TCP11X1: variants seen among roughly 807,000 people sequenced by gnomAD.
TCP11X1 encodes T-complex protein 11-like X-linked protein 1.
For missense variants in TCP11X1, 2 were observed against 15.4 expected (o/e 0.13, Z 1.45); for synonymous variants, 2 against 6.3 (o/e 0.32, Z 1.02).
At chrX:102,220,499 A>G (rs1308607411) in intron 2 of TCP11X1, among the ~76,000 whole-genome samples, 1 of 11,986 alleles carries the variant, frequency 8.3e-5, no homozygotes, top group Non-Finnish European at 1.2e-4. Context: ...CAGATAGATA[A>G]TAGTTGAACT....
chrX:102,220,699 T>TTA, intron 2 of TCP11X1, among the ~76,000 whole-genome samples: 1 of 16,066 alleles, frequency 6.2e-5, no homozygotes, highest in South Asian at 9.0e-3. Context: ...ATATATATTT[T>TTA]TTTTTTTTTT....
rs1176238420 is a variant in TCP11X1 at position 102,220,670 on chromosome X, C to CAT, written c.231-846_231-845dup. On this transcript the variant is annotated intron_variant, in intron 2 of 8. Coordinates refer to ENST00000622971, the Ensembl canonical transcript of TCP11X1. The stretch of plus-strand genomic sequence containing the variant: ...GTATATATGTGTGTGTGTGTATATA[C>CAT]ATATATATATATATATATATATATA... Among the ~76,000 whole-genome samples, 215 of 30,242 alleles carry CAT rather than the reference C, an allele frequency of 7.1e-3. 1 individual carries two copies. The highest frequency in any genetic ancestry group is 0.08 in the Middle Eastern group (2 of 25). The allele number at this position is 30,242 out of a possible 115,157, so 26.3% of individuals were successfully genotyped here. A position where few individuals can be genotyped will look rare whatever the true frequency, so the allele number is the denominator to read the frequency against.
intron 2 of TCP11X1, among the ~76,000 whole-genome samples, chrX:102,220,695 A>ATTTTTTTT (rs1179399956): frequency 6.1e-5 from 1 of 16,396 alleles, no homozygotes; most frequent in African/African-American, 3.1e-4. Flanking sequence ...ATATATATAT[A>ATTTTTTTT]TTTTTTTTTT....
intron 2 of TCP11X1, among the ~76,000 whole-genome samples, chrX:102,220,655 G>A (rs1218592322): frequency 2.8e-4 from 15 of 54,240 alleles, no homozygotes; most frequent in Non-Finnish European, 4.1e-4. Flanking sequence ...GTATATATGT[G>A]TGTGTGTGTA....
intron 2 of TCP11X1, among the ~76,000 whole-genome samples, chrX:102,220,670 C>CATATATATATTTATATATAT (rs1933718983): frequency 3.3e-5 from 1 of 30,311 alleles, no homozygotes; most frequent in Non-Finnish European, 5.2e-5. Flanking sequence ...TGTGTATATA[C>CATATATATATTTATATATAT]ATATATATAT....
chrX:102,220,670 CATAT>C (rs1176238420), intron 2 of TCP11X1, among the ~76,000 whole-genome samples: 7 of 30,304 alleles, frequency 2.3e-4, no homozygotes, highest in African/African-American at 7.4e-4. Flanking sequence ...TGTGTATATA[CATAT>C]ATATATATAT....
At chrX:102,220,651 ATG>A (rs1266501777) in intron 2 of TCP11X1, among the ~76,000 whole-genome samples, 10 of 59,022 alleles carry the variant, frequency 1.7e-4, no homozygotes, top group Admixed American at 9.1e-4. Context: ...GTGTGTATAT[ATG>A]TGTGTGTGTG....
exon 6 of TCP11X1, chrX:102,223,884 G>A (rs1556380551): frequency 5.4e-6 from 2 of 369,677 alleles, no homozygotes; most frequent in South Asian, 9.3e-5. Context: ...ACTTCCAAGC[G>A]GGGCAGGTAA....
intron 2 of TCP11X1, among the ~76,000 whole-genome samples, chrX:102,220,645 GTA>G (rs1416746957): frequency 7.3e-5 from 4 of 54,599 alleles, no homozygotes; most frequent in African/African-American, 2.3e-4. Flanking sequence ...ACACGTGTGT[GTA>G]TATATGTGTG....
At chrX:102,220,697 T>A (rs1391095402) in intron 2 of TCP11X1, among the ~76,000 whole-genome samples, 14 of 10,885 alleles carry the variant, frequency 1.3e-3, no homozygotes, top group South Asian at 0.011. Flanking sequence ...ATATATATAT[T>A]TTTTTTTTTT....
chrX:102,220,838 A>T (rs1282372216), intron 2 of TCP11X1, among the ~76,000 whole-genome samples: 1 of 6,723 alleles, frequency 1.5e-4, no homozygotes, highest in Non-Finnish European at 2.1e-4. Context: ...CTGGGACTAT[A>T]GGCACCCGCC....
chrX:102,220,666 T>TATAC, intron 2 of TCP11X1, among the ~76,000 whole-genome samples: 1 of 44,416 alleles, frequency 2.3e-5, no homozygotes, highest in Non-Finnish European at 4.0e-5. Flanking sequence ...TGTGTGTGTA[T>TATAC]ATACATATAT....
intron 2 of TCP11X1, among the ~76,000 whole-genome samples, chrX:102,220,695 A>ATATATATATATATATATAT (rs1403296641): frequency 9.2e-4 from 15 of 16,392 alleles, no homozygotes; most frequent in Non-Finnish European, 1.2e-3. Context: ...ATATATATAT[A>ATATATATATATATATATAT]TTTTTTTTTT....
chrX:102,220,678 T>C (rs1477998644), intron 2 of TCP11X1, among the ~76,000 whole-genome samples: 1 of 20,643 alleles, frequency 4.8e-5, no homozygotes, highest in East Asian at 2.1e-3. Context: ...TACATATATA[T>C]ATATATATAT....
At chrX:102,220,661 G>T (rs1556380329) in intron 2 of TCP11X1, among the ~76,000 whole-genome samples, 1 of 44,839 alleles carries the variant, frequency 2.2e-5, no homozygotes, top group Non-Finnish European at 3.8e-5. Flanking sequence ...ATGTGTGTGT[G>T]TGTATATACA....
At chrX:102,220,658 T>A (rs1488559360) in intron 2 of TCP11X1, among the ~76,000 whole-genome samples, 1 of 60,130 alleles carries the variant, frequency 1.7e-5, no homozygotes, top group Non-Finnish European at 2.9e-5. Flanking sequence ...TATATGTGTG[T>A]GTGTGTATAT....
chrX:102,220,693 A>AT lies in TCP11X1; in HGVS notation c.231-847dup, dbSNP rs1260190520. ...TACATATATATATATATATATATAT[A>AT]TATTTTTTTTTTTTTTTTTTTTGAG... On this transcript the variant is annotated intron_variant, in intron 2 of 8. Coordinates refer to ENST00000622971, the Ensembl canonical transcript of TCP11X1. 9.6e-3 allele frequency among the ~76,000 whole-genome samples: 243 copies of AT among 25,223 alleles called. 4 individuals carry two copies. Among genetic ancestry groups the AT allele is most frequent in the Non-Finnish European group, 0.011 (175 of 15,418 alleles). The allele number at this position is 25,223 out of a possible 115,157, so 21.9% of individuals were successfully genotyped here. A position where few individuals can be genotyped will look rare whatever the true frequency, so the allele number is the denominator to read the frequency against.
chrX:102,220,695 A>ATATATTTT (rs1403296641), intron 2 of TCP11X1, among the ~76,000 whole-genome samples: 108 of 16,361 alleles, frequency 6.6e-3, no homozygotes, highest in African/African-American at 0.025. Context: ...ATATATATAT[A>ATATATTTT]TTTTTTTTTT....
intron 2 of TCP11X1, among the ~76,000 whole-genome samples, chrX:102,219,583 TA>T (rs1201284616): frequency 1.2e-4 from 2 of 17,121 alleles, no homozygotes; most frequent in Non-Finnish European, 1.1e-4. Flanking sequence ...CTGTGTTTTT[TA>T]AATTAACAGG....
Sources: allele counts gnomAD v4.1 joint callset (sites outside exome capture counted in the v4.1 genomes callset), GRCh38; gene constraint gnomAD v4.1.1; transcripts MANE v1.5; gene names NCBI Gene and HGNC (gene_info 2026-07-23, HGNC 2026-07-21).